KIAA1217: variants seen among roughly 807,000 people sequenced by gnomAD.
The protein encoded by KIAA1217 is sickle tail protein homolog.
In KIAA1217, 88 loss-of-function variants were observed where a neutral mutation model predicts 163.9. The observed-to-expected ratio is 0.54, with a 90% CI of 0.45 to 0.64. The LOEUF (loss-of-function observed/expected upper bound fraction) is 0.64, where lower values mean the gene tolerates loss of function less well. Ranked by LOEUF, KIAA1217 falls within the 30% of genes least tolerant of loss-of-function variation. The pLI is 0.00. For synonymous variants in KIAA1217, 903 were observed against 923.1 expected (o/e 0.98, Z 0.39); for missense variants, 2,372 against 2,475.0 (o/e 0.96, Z 0.88).
At chr10:23,815,013 T>A (rs902849648) in intron 1 of KIAA1217, among the ~76,000 whole-genome samples, 2 of 152,164 alleles carry the variant, frequency 1.3e-5, no homozygotes, top group African/African-American at 4.8e-5. Flanking sequence ...GACATGCAAG[T>A]GAAAATATGA....
chr10:24,039,681 C>A (rs1006188492), intron 2 of KIAA1217, among the ~76,000 whole-genome samples: 1 of 152,030 alleles, frequency 6.6e-6, no homozygotes, highest in Non-Finnish European at 1.5e-5. Context: ...CAGGACCTAC[C>A]CCCATTGTAC....
intron 1 of KIAA1217, among the ~76,000 whole-genome samples, chr10:23,712,991 G>A (rs918111436): frequency 6.6e-6 from 1 of 152,074 alleles, no homozygotes; most frequent in African/African-American, 2.4e-5. Context: ...CGGCTTGCAG[G>A]CATTTGGTTC....
chr10:24,073,737 G>A (rs1172829571), intron 2 of KIAA1217, among the ~76,000 whole-genome samples: 1 of 152,178 alleles, frequency 6.6e-6, no homozygotes, highest in Non-Finnish European at 1.5e-5. Context: ...TTCCAGAGCA[G>A]AGCTGAGACC....
At chr10:24,359,891 C>T (rs1011645339) in intron 2 of KIAA1217, among the ~76,000 whole-genome samples, 1 of 151,792 alleles carries the variant, frequency 6.6e-6, no homozygotes, top group Non-Finnish European at 1.5e-5. Context: ...TAATTTTATT[C>T]CATCTTTAAG....
intron 1 of KIAA1217, among the ~76,000 whole-genome samples, chr10:23,896,345 A>G (rs1841700727): frequency 1.3e-5 from 2 of 151,988 alleles, no homozygotes; most frequent in Non-Finnish European, 1.5e-5. Context: ...TCACACTTCT[A>G]TTGGCATTCA....
chr10:24,521,450 T>TG (rs1180014793), intron 11 of KIAA1217, among the ~76,000 whole-genome samples: 3 of 152,134 alleles, frequency 2.0e-5, no homozygotes, highest in Non-Finnish European at 2.9e-5. Context: ...GAGGCTCCAG[T>TG]GAGCTCTGAT....
At chr10:23,732,316 T>C (rs1838521314) in intron 1 of KIAA1217, among the ~76,000 whole-genome samples, 1 of 152,008 alleles carries the variant, frequency 6.6e-6, no homozygotes, top group Non-Finnish European at 1.5e-5. Context: ...TTCACATCTA[T>C]GGATTCACCA....
chr10:23,855,208 T>C (rs1031403280), intron 1 of KIAA1217, among the ~76,000 whole-genome samples: 5 of 152,224 alleles, frequency 3.3e-5, no homozygotes, highest in African/African-American at 1.2e-4. Flanking sequence ...AGGGCAGGCC[T>C]GTTGGTGACA....
At chr10:23,701,830 T>A (rs56175304) in intron 1 of KIAA1217, among the ~76,000 whole-genome samples, 2 of 152,326 alleles carry the variant, frequency 1.3e-5, no homozygotes, top group Non-Finnish European at 2.9e-5. Context: ...CCTTATTACA[T>A]TTATGTATAA....
At position 24,545,006 on chromosome 10, in the gene KIAA1217, G is replaced by A. The variant is rs770138919; in HGVS notation, c.5237G>A (p.Ser1746Asn). 6.2e-7 allele frequency: 1 copy of A among 1,614,104 alleles called. No individual in the cohort carries two copies. The highest frequency in any genetic ancestry group is 8.5e-7 in the Non-Finnish European group (1 of 1,179,992). ...GGCTCCAGCGGGGCCCCACAGACGA[G>A]CAGGATGCCTGTCCCCATGAGTGCC... ...RKGSSGAPQT[S>N]RMPVPMSAKN... The change falls in exon 20 of 21, where the codon AGC becomes AAC. Residue 1746 changes from serine (S) to asparagine (N), a missense_variant. Physicochemically the swap from Ser to Asn is conservative, Grantham distance 46. Around this residue, in one of 3 missense-constraint regions of KIAA1217, gnomAD observed 690 missense variants for 677.5 expected, o/e 1.02. Transcript: ENST00000376454.
chr10:23,954,772 C>T (rs1045853996), intron 1 of KIAA1217, among the ~76,000 whole-genome samples: 10 of 152,146 alleles, frequency 6.6e-5, no homozygotes, highest in Non-Finnish European at 1.0e-4. Context: ...TTTTATTCCT[C>T]AGTTTGCAGA....
intron 6 of KIAA1217, among the ~76,000 whole-genome samples, chr10:24,490,141 G>C (rs1318469030): frequency 1.3e-5 from 2 of 152,120 alleles, no homozygotes; most frequent in South Asian, 4.1e-4. Flanking sequence ...CATTCAGACA[G>C]GCTGACTTAA....
At chr10:24,215,030 G>A (rs1810789482) in intron 1 of KIAA1217, among the ~76,000 whole-genome samples, 1 of 152,214 alleles carries the variant, frequency 6.6e-6, no homozygotes, top group Admixed American at 6.5e-5. Flanking sequence ...TCTCCTTGAG[G>A]AGGCCCCATC....
chr10:23,856,515 T>C (rs1217379339), intron 1 of KIAA1217, among the ~76,000 whole-genome samples: 1 of 152,226 alleles, frequency 6.6e-6, no homozygotes, highest in African/African-American at 2.4e-5. Flanking sequence ...TCCAGCTGCG[T>C]GCTGGGAGAA....
chr10:23,998,250 C>T (rs1354053385), intron 1 of KIAA1217, among the ~76,000 whole-genome samples: 2 of 152,146 alleles, frequency 1.3e-5, no homozygotes. Flanking sequence ...CTTTTATGTA[C>T]TTTGCAGTCT....
chr10:24,530,906 C>CA (rs1365292361), intron 14 of KIAA1217, among the ~76,000 whole-genome samples: 2 of 151,766 alleles, frequency 1.3e-5, no homozygotes, highest in Non-Finnish European at 2.9e-5. Flanking sequence ...AAAAATAAAA[C>CA]AAAAAAGGCC....
At chr10:24,081,605 A>C (rs959591628) in intron 2 of KIAA1217, among the ~76,000 whole-genome samples, 3 of 152,094 alleles carry the variant, frequency 2.0e-5, no homozygotes, top group African/African-American at 7.2e-5. Context: ...TGGTCTGCAC[A>C]GTCTAAAACA....
At chr10:23,915,322 G>A (rs535974504) in intron 1 of KIAA1217, among the ~76,000 whole-genome samples, 1 of 152,252 alleles carries the variant, frequency 6.6e-6, no homozygotes, top group East Asian at 1.9e-4. Context: ...AGATGTAGAT[G>A]GGAAAACAAG....
intron 1 of KIAA1217, among the ~76,000 whole-genome samples, chr10:23,731,610 CA>C (rs1202689852): frequency 6.6e-6 from 1 of 152,154 alleles, no homozygotes; most frequent in African/African-American, 2.4e-5. Flanking sequence ...GGAGGGGGTA[CA>C]ACCAGGTAGG....
Sources: gnomAD v4.1 joint callset for allele counts (sites outside exome capture counted in the v4.1 genomes callset) on GRCh38, gnomAD v4.1.1 for gene constraint, gnomAD v4.1.1 regional missense constraint, MANE v1.5 for transcripts, NCBI Gene and HGNC (gene_info 2026-07-23, HGNC 2026-07-21) for gene names.